The following BBX variants were observed in gnomAD, a reference collection of about 807,000 sequenced individuals.
BBX encodes BBX high mobility group box domain containing.
BBX carries 30 observed loss-of-function variants against 100.2 expected under a neutral mutation model. The ratio of observed to expected loss-of-function variants is 0.30; its 90% CI spans 0.22 to 0.41. BBX has a LOEUF of 0.41. Ranked by LOEUF, BBX falls within the 10% of genes least tolerant of loss-of-function variation. The pLI is 1.00. For synonymous variants in BBX, 376 were observed against 388.1 expected, an observed-to-expected ratio of 0.97 and a Z score of 0.37; for missense variants, 1,023 against 1,129.8, an observed-to-expected ratio of 0.91 and a Z score of 1.35.
intron 2 of BBX, among the ~76,000 whole-genome samples, chr3:107,551,088 TAAATA>T (rs2049633638): frequency 6.6e-6 from 1 of 152,318 alleles, no homozygotes; most frequent in South Asian, 2.1e-4. Context: ...AAAAAAATGT[TAAATA>T]AAGTTATTAT....
intron 2 of BBX, among the ~76,000 whole-genome samples, chr3:107,543,258 G>A (rs2048990682): frequency 6.6e-6 from 1 of 152,130 alleles, no homozygotes; most frequent in Non-Finnish European, 1.5e-5. Flanking sequence ...TAAGAAACTA[G>A]GACCCAGGCC....
At chr3:107,572,043 A>G (rs1387075833) in intron 2 of BBX, among the ~76,000 whole-genome samples, 1 of 152,350 alleles carries the variant, frequency 6.6e-6, no homozygotes, top group Non-Finnish European at 1.5e-5. Flanking sequence ...TGAAGAAATC[A>G]TTTAACAACA....
At chr3:107,765,794 C>A (rs2066344297) in intron 10 of BBX, among the ~76,000 whole-genome samples, 1 of 152,072 alleles carries the variant, frequency 6.6e-6, no homozygotes, top group African/African-American at 2.4e-5. Context: ...ATGGGAGAGG[C>A]CAAGGATTTG....
intron 2 of BBX, among the ~76,000 whole-genome samples, chr3:107,643,210 G>C (rs1012440775): frequency 2.6e-5 from 4 of 152,320 alleles, no homozygotes; most frequent in South Asian, 2.1e-4. Flanking sequence ...TCAAGGGGGA[G>C]TGTGAGAGCT....
chr3:107,589,660 A>G (rs1292702443), intron 2 of BBX, among the ~76,000 whole-genome samples: 1 of 152,180 alleles, frequency 6.6e-6, no homozygotes, highest in African/African-American at 2.4e-5. Context: ...GTTCTTTTTC[A>G]GTTTCAGAAG....
At chr3:107,642,370 G>C (rs909537535) in intron 2 of BBX, among the ~76,000 whole-genome samples, 2 of 152,212 alleles carry the variant, frequency 1.3e-5, no homozygotes, top group African/African-American at 4.8e-5. Flanking sequence ...TTGTATCCAT[G>C]TAAAGATGGA....
intron 2 of BBX, among the ~76,000 whole-genome samples, chr3:107,593,654 C>T (rs2053487516): frequency 6.6e-6 from 1 of 152,176 alleles, no homozygotes; most frequent in South Asian, 2.1e-4. Flanking sequence ...GTCATCTGCT[C>T]TCTAAGTGGC....
chr3:107,743,918 G>GTTTTTTTTTTTTTTTTTTTTTTTTAT (rs2064329710), intron 7 of BBX, among the ~76,000 whole-genome samples: 6 of 56,622 alleles, frequency 1.1e-4, no homozygotes, highest in Non-Finnish European at 1.8e-4. Context: ...TGTTTTAGTG[G>GTTTTTTTTTTTTTTTTTTTTTTTTAT]TTTTTTTTTT....
chr3:107,670,719 TTAA>T (rs1178047291), intron 3 of BBX, among the ~76,000 whole-genome samples: 3 of 152,086 alleles, frequency 2.0e-5, no homozygotes, highest in African/African-American at 7.2e-5. Context: ...CTTGACTGGA[TTAA>T]TAAGAAATAG....
chr3:107,583,319 T>C (rs979069551), intron 2 of BBX, among the ~76,000 whole-genome samples: 2 of 152,044 alleles, frequency 1.3e-5, no homozygotes, highest in Admixed American at 6.5e-5. Flanking sequence ...GCTGCTCAAC[T>C]GCTTATATTA....
At chr3:107,634,841 C>G (rs1433119267) in intron 2 of BBX, among the ~76,000 whole-genome samples, 2 of 152,196 alleles carry the variant, frequency 1.3e-5, no homozygotes, top group Non-Finnish European at 1.5e-5. Flanking sequence ...ATCCACCTTA[C>G]CTCCAGAGAA....
intron 11 of BBX, among the ~76,000 whole-genome samples, 170 bp from the exon 12 acceptor site, chr3:107,774,549 C>T (rs2067171255): frequency 6.6e-6 from 1 of 152,108 alleles, no homozygotes; most frequent in African/African-American, 2.4e-5. Context: ...CTGCATGTTC[C>T]ATTATTAAAG....
At chr3:107,606,077 T>C (rs1013498693) in intron 2 of BBX, among the ~76,000 whole-genome samples, 2 of 152,200 alleles carry the variant, frequency 1.3e-5, no homozygotes, top group African/African-American at 4.8e-5. Flanking sequence ...GCTCTTTTTC[T>C]CCCCTTTAAA....
intron 3 of BBX, among the ~76,000 whole-genome samples, chr3:107,685,444 G>A (rs1434563329): frequency 6.6e-6 from 1 of 152,164 alleles, no homozygotes; most frequent in Non-Finnish European, 1.5e-5. Context: ...ATTGAAGGAA[G>A]CAAAGGGGAG....
At chr3:107,621,595 T>C (rs2055772240) in intron 2 of BBX, among the ~76,000 whole-genome samples, 1 of 152,216 alleles carries the variant, frequency 6.6e-6, no homozygotes, top group Non-Finnish European at 1.5e-5. Context: ...AGACAGTTTG[T>C]CATCTCAGGT....
At chr3:107,794,014 T>C (rs1243002504) in intron 15 of BBX, among the ~76,000 whole-genome samples, 1 of 152,186 alleles carries the variant, frequency 6.6e-6, no homozygotes, top group Non-Finnish European at 1.5e-5. Context: ...GTCCACAGGC[T>C]AGAATTAAAG....
intron 2 of BBX, among the ~76,000 whole-genome samples, chr3:107,625,119 C>T (rs891478836): frequency 1.3e-5 from 2 of 152,098 alleles, no homozygotes; most frequent in Admixed American, 6.5e-5. Flanking sequence ...GCTTTTTGTT[C>T]TCTTTCTGAG....
At chr3:107,609,239 T>G (rs1380320284) in intron 2 of BBX, among the ~76,000 whole-genome samples, 1 of 152,184 alleles carries the variant, frequency 6.6e-6, no homozygotes, top group Non-Finnish European at 1.5e-5. Context: ...TAAATCACAC[T>G]TGATTATGAT....
chr3:107,663,500 AC>A (rs1465035992), intron 3 of BBX, among the ~76,000 whole-genome samples: 2 of 151,846 alleles, frequency 1.3e-5, no homozygotes, highest in Admixed American at 6.6e-5. Context: ...GCCTCTCTTT[AC>A]CCCCTCATCA....
Sources: allele counts gnomAD v4.1 joint callset (sites outside exome capture counted in the v4.1 genomes callset), GRCh38; gene constraint gnomAD v4.1.1; transcripts MANE v1.5; gene names NCBI Gene and HGNC (gene_info 2026-07-23, HGNC 2026-07-21).